The following TLK2 variants were observed in gnomAD, a reference collection of about 807,000 sequenced individuals.
The protein encoded by TLK2 is serine/threonine-protein kinase tousled-like 2.
A neutral mutation model predicts 117.3 loss-of-function variants in TLK2; 6 were observed. The ratio of observed to expected loss-of-function variants is 0.05; its 90% CI spans 0.03 to 0.10. TLK2 has a LOEUF of 0.10. TLK2 is among the 10% of genes least tolerant of loss of function. TLK2 has a pLI of 1.00. For synonymous variants in TLK2, 257 were observed against 316.7 expected (o/e 0.81, Z 2.00); for missense variants, 299 against 901.2 (o/e 0.33, Z 8.56).
At chr17:62,509,777 C>T (rs2074998749) in intron 2 of TLK2, among the ~76,000 whole-genome samples, 1 of 152,160 alleles carries the variant, frequency 6.6e-6, no homozygotes, top group South Asian at 2.1e-4. Flanking sequence ...TTACACCTTG[C>T]CATGTGAGGA....
At chr17:62,597,941 C>T (rs1287329558) in intron 17 of TLK2, among the ~76,000 whole-genome samples, 1 of 152,168 alleles carries the variant, frequency 6.6e-6, no homozygotes, top group Admixed American at 6.5e-5. Context: ...CTCAGCCTCC[C>T]AGGGTAATTC....
intron 2 of TLK2, among the ~76,000 whole-genome samples, chr17:62,504,937 A>G (rs1369670362): frequency 6.6e-6 from 1 of 152,042 alleles, no homozygotes; most frequent in African/African-American, 2.4e-5. Context: ...TCCGCCTCGC[A>G]GTTTCAAGTG....
chr17:62,500,543 A>G (rs1180268726), intron 2 of TLK2, among the ~76,000 whole-genome samples: 3 of 152,232 alleles, frequency 2.0e-5, no homozygotes, highest in South Asian at 2.1e-4. Context: ...AAATTACAAC[A>G]TTGTTCCTTA....
chr17:62,540,462 A>G (rs1054820713), intron 7 of TLK2, among the ~76,000 whole-genome samples: 3 of 128,808 alleles, frequency 2.3e-5, no homozygotes, highest in African/African-American at 8.4e-5. Context: ...CTGGAGTGCA[A>G]TCTGGGCTCA....
intron 17 of TLK2, among the ~76,000 whole-genome samples, chr17:62,597,810 AC>A (rs1443316507): frequency 6.6e-6 from 1 of 151,658 alleles, no homozygotes; most frequent in Non-Finnish European, 1.5e-5. Context: ...GGTATAGGTA[AC>A]CTCCCGTGCC....
rs1567827851 is a variant in TLK2, at chr17:62,514,575, CCTT to C, written c.82-6194_82-6192del. Among the ~76,000 whole-genome samples the C allele has an allele frequency of 1.0e-4, 15 of 150,426 alleles. No homozygotes were observed. In the South Asian group the frequency reaches 2.7e-3, roughly 27 times the overall value. ...CATAACATAAAATTTACCATCTTAA[CCTT>C]CTTTTTTTTTTTTTTTTGAGATGGA... On this transcript the variant is annotated intron_variant, in intron 2 of 21. Coordinates refer to ENST00000346027, the MANE Select transcript of TLK2 (RefSeq NM_006852.6).
intron 2 of TLK2, chr17:62,516,214 C>T (rs1184540935): frequency 6.3e-5 from 43 of 683,808 alleles, no homozygotes; most frequent in South Asian, 1.8e-4. Flanking sequence ...CATGAGTCAC[C>T]GCGCCCGGCT....
At chr17:62,575,691 T>C (rs2080732255) in intron 12 of TLK2, among the ~76,000 whole-genome samples, 7 of 152,002 alleles carry the variant, frequency 4.6e-5, no homozygotes, top group Admixed American at 2.6e-4. Flanking sequence ...CTCTCTCTCT[T>C]TCTTTTCTTT....
In TLK2 at chr17:62,488,713, C is replaced by T. The variant is rs114039409; in HGVS notation, c.81+7507C>T. On this transcript the variant is annotated intron_variant, in intron 2 of 21. Transcript: ENST00000346027. The stretch of plus-strand genomic sequence containing the variant: ...CTAGTTTGGAAGTCTTGCACTCTTT[C>T]TGTTCTTTTATTGGTTACCACAGAA... Among the ~76,000 whole-genome samples the T allele has an allele frequency of 2.6e-3, 394 of 151,738 alleles. 1 individual carries two copies. The highest frequency in any genetic ancestry group is 9.3e-3 in the African/African-American group (385 of 41,344).
chr17:62,482,869 A>G (rs942366971), intron 2 of TLK2, among the ~76,000 whole-genome samples: 3 of 152,162 alleles, frequency 2.0e-5, no homozygotes, highest in Non-Finnish European at 4.4e-5. Flanking sequence ...GTATGGGGAG[A>G]GAGAGATGAT....
chr17:62,542,739 C>A (rs972144184), intron 7 of TLK2, among the ~76,000 whole-genome samples: 1 of 152,124 alleles, frequency 6.6e-6, no homozygotes, highest in Non-Finnish European at 1.5e-5. Flanking sequence ...TCTACTGGAT[C>A]TTTTTTTCCC....
intron 7 of TLK2, among the ~76,000 whole-genome samples, chr17:62,547,221 A>G (rs1185288285): frequency 1.3e-5 from 2 of 151,844 alleles, no homozygotes; most frequent in Non-Finnish European, 2.9e-5. Flanking sequence ...TTTAACTCTT[A>G]TGATTAGGTA....
chr17:62,507,649 T>G (rs2598134), intron 2 of TLK2, among the ~76,000 whole-genome samples: 1 of 152,204 alleles, frequency 6.6e-6, no homozygotes, highest in Admixed American at 6.6e-5. Context: ...ATGAAAACTT[T>G]AGAAACTCAG....
chr17:62,490,772 C>T (rs1432619439), intron 2 of TLK2, among the ~76,000 whole-genome samples: 1 of 152,164 alleles, frequency 6.6e-6, no homozygotes, highest in Non-Finnish European at 1.5e-5. Flanking sequence ...GAACTCCTGA[C>T]CTCAGGTGAT....
chr17:62,566,982 C>G (rs1240537096), intron 11 of TLK2, among the ~76,000 whole-genome samples: 1 of 152,174 alleles, frequency 6.6e-6, no homozygotes, highest in Non-Finnish European at 1.5e-5. Flanking sequence ...AATCCCAGCA[C>G]TTTGGGAGGC....
At chr17:62,581,741 A>G (rs1479837948) in intron 15 of TLK2, among the ~76,000 whole-genome samples, 2 of 152,016 alleles carry the variant, frequency 1.3e-5, no homozygotes, top group East Asian at 3.9e-4. Flanking sequence ...CCTGGCTTCT[A>G]GTATCTTATT....
chr17:62,512,216 T>TTTG (rs2075202239), intron 2 of TLK2, among the ~76,000 whole-genome samples: 4 of 69,580 alleles, frequency 5.7e-5, no homozygotes, highest in Non-Finnish European at 1.3e-4. Flanking sequence ...ACCCCTCCTT[T>TTTG]TTTTTTTTTT....
chr17:62,557,264 T>C (rs1009999864), intron 9 of TLK2, among the ~76,000 whole-genome samples: 6 of 152,158 alleles, frequency 3.9e-5, no homozygotes, highest in African/African-American at 1.4e-4. Flanking sequence ...TTTTCCCTCA[T>C]CTAATATACT....
chr17:62,487,182 C>T (rs190584495), intron 2 of TLK2, among the ~76,000 whole-genome samples: 372 of 151,996 alleles, frequency 2.4e-3, no homozygotes, highest in Non-Finnish European at 3.9e-3. Flanking sequence ...ATCCCAGCTA[C>T]TCAGGAGGCT....
Sources: gnomAD v4.1 joint callset for allele counts (sites outside exome capture counted in the v4.1 genomes callset) on GRCh38, gnomAD v4.1.1 for gene constraint, MANE v1.5 for transcripts, NCBI Gene and HGNC (gene_info 2026-07-23, HGNC 2026-07-21) for gene names.